FAS: variants seen among roughly 807,000 people sequenced by gnomAD.
The protein encoded by FAS is tumor necrosis factor receptor superfamily member 6.
In FAS, 5 loss-of-function variants were observed where a neutral mutation model predicts 33.2. The observed-to-expected ratio is 0.15, with a 90% CI of 0.08 to 0.32. The LOEUF (loss-of-function observed/expected upper bound fraction) is 0.32. FAS is among the 10% of genes least tolerant of loss of function. The probability of loss-of-function intolerance (pLI) is 1.00; values close to 1 mark genes in which losing one functional copy is unlikely to be tolerated. For missense variants in FAS, 339 were observed against 386.0 expected (o/e 0.88, Z 1.02); for synonymous variants, 131 against 130.7 (o/e 1.00, Z -0.01).
chr10:88,994,757 T>C (rs1847481985), intron 1 of FAS, among the ~76,000 whole-genome samples: 4 of 151,822 alleles, frequency 2.6e-5, no homozygotes, highest in Non-Finnish European at 5.9e-5. Flanking sequence ...ATATTTTTTA[T>C]TGGATACATT....
At position 88,990,874 on chromosome 10, in the gene FAS, A is replaced by T. The variant is rs1847135565; in HGVS notation, c.-3A>T. 4.3e-6 allele frequency: 7 copies of T among 1,614,136 alleles called. No individual in the cohort carries two copies. Among genetic ancestry groups the T allele is most frequent in the Non-Finnish European group, 5.1e-6 (6 of 1,180,014 alleles). On this transcript the variant is annotated 5_prime_UTR_variant, in exon 1 of 9. Coordinates refer to ENST00000652046, the MANE Select transcript of FAS (RefSeq NM_000043.6). This position sits in a 1 kb window ranked among gnomAD's most constrained non-coding sequence, Gnocchi z 4.9. ...TTTCACTTCGGAGGATTGCTCAACA[A>T]CCATGCTGGGCATCTGGACCCTCCT...
chr10:89,011,982 T>C lies in FAS; in HGVS notation c.569-17T>C, dbSNP rs1294074799. On this transcript the variant is annotated splice_polypyrimidine_tract_variant and intron_variant, in intron 6 of 8. Coordinates refer to ENST00000652046, the MANE Select transcript of FAS (RefSeq NM_000043.6). The stretch of plus-strand genomic sequence containing the variant: ...AAGGCTGAGACCTGAGTTGATAAAA[T>C]TTCTTTGTTCTTTCAGTGAAGAGAA... 6.2e-7 allele frequency: 1 copy of C among 1,611,154 alleles called. No homozygotes were observed. Among genetic ancestry groups the C allele is most frequent in the South Asian group, 1.1e-5 (1 of 91,012 alleles).
chr10:88,971,731 C>A lies in FAS; in HGVS notation n.95-1451C>A, dbSNP rs554267753. On this transcript the variant is annotated intron_variant and non_coding_transcript_variant, in intron 1 of 3. Transcript: ENST00000688239. ...GAGTCCTAGCATGTAATGGCTTTAG[C>A]AATTTGTGCAATATCCCTCTTTTTG... 1.5e-4 allele frequency among the ~76,000 whole-genome samples: 23 copies of A among 152,228 alleles called. 1 individual carries two copies. In the South Asian group the frequency reaches 4.8e-3, roughly 32 times the overall value.
At position 89,015,857 on chromosome 10, in the gene FAS, A is replaced by G; in HGVS notation, c.*1407A>G. The G allele has an allele frequency of 2.5e-6, 1 of 406,696 alleles. No individual in the cohort carries two copies. Among genetic ancestry groups the G allele is most frequent in the Non-Finnish European group, 4.6e-6 (1 of 215,942 alleles). The allele number at this position is 406,696 out of a possible 1,614,324, so 25.2% of individuals were successfully genotyped here. ...CTTCCTTTTCTCTAACTGATGCTAA[A>G]TATAACTTGTCTTTAATGCTTCTTG... On this transcript the variant is annotated 3_prime_UTR_variant, in exon 9 of 9. Coordinates refer to ENST00000652046, the MANE Select transcript of FAS (RefSeq NM_000043.6).
chr10:88,985,418 T>C (rs1005406584), upstream of FAS, among the ~76,000 whole-genome samples: 4 of 152,230 alleles, frequency 2.6e-5, no homozygotes, highest in Admixed American at 2.6e-4. Context: ...AATACCACTA[T>C]TGTATTAGTC....
At chr10:88,980,968 G>A (rs1381062244) in intron 2 of FAS, among the ~76,000 whole-genome samples, 1 of 152,196 alleles carries the variant, frequency 6.6e-6, no homozygotes, top group African/African-American at 2.4e-5. Context: ...GGAGGCTTTG[G>A]TTTGCCTTAT....
upstream of FAS, among the ~76,000 whole-genome samples, chr10:88,987,363 C>G (rs1846932391): frequency 6.6e-6 from 1 of 152,152 alleles, no homozygotes; most frequent in South Asian, 2.1e-4. Flanking sequence ...TAAGCAGAAA[C>G]TAAGAATTTG....
chr10:88,965,721 A>T (rs1288916093), intron 1 of FAS, among the ~76,000 whole-genome samples: 8 of 152,116 alleles, frequency 5.3e-5, no homozygotes, highest in African/African-American at 1.9e-4. Flanking sequence ...CAAAGCACAG[A>T]TTTTCCCAGG....
At chr10:89,005,449 A>G (rs1478334176) in intron 2 of FAS, among the ~76,000 whole-genome samples, 1 of 152,148 alleles carries the variant, frequency 6.6e-6, no homozygotes, top group Non-Finnish European at 1.5e-5. Context: ...CCACATCATC[A>G]TATTCAATAA....
upstream of FAS, among the ~76,000 whole-genome samples, chr10:88,982,428 CT>C (rs951815486): frequency 2.9e-3 from 418 of 144,546 alleles, 1 homozygote; most frequent in African/African-American, 8.2e-3. Context: ...GTGTTTTTTT[CT>C]TTTTTTTTTT....
rs951064245 is a variant in FAS at position 88,991,940 on chromosome 10, A to T, written c.30+1034A>T. 4.6e-5 allele frequency among the ~76,000 whole-genome samples: 7 copies of T among 152,282 alleles called. No individual in the cohort carries two copies. In the South Asian group the frequency reaches 1.5e-3, roughly 32 times the overall value. On this transcript the variant is annotated intron_variant, in intron 1 of 8. Transcript: ENST00000652046. The stretch of plus-strand genomic sequence containing the variant: ...GATTTTTATTTTATTGGGCCCCAAC[A>T]AAGTGCCAGGCATAGCGAGAGAAGT...
At chr10:89,006,344 G>A (rs1325449651) in intron 2 of FAS, among the ~76,000 whole-genome samples, 1 of 152,140 alleles carries the variant, frequency 6.6e-6, no homozygotes, top group Non-Finnish European at 1.5e-5. Flanking sequence ...ACTATTGACA[G>A]ACTATTATCT....
chr10:88,989,043 T>C (rs944602885), upstream of FAS, among the ~76,000 whole-genome samples: 1 of 152,182 alleles, frequency 6.6e-6, no homozygotes, highest in Non-Finnish European at 1.5e-5. Context: ...AATATCTAAG[T>C]TTAATTCCTG....
intron 1 of FAS, among the ~76,000 whole-genome samples, chr10:88,997,798 C>G (rs111341704): frequency 6.6e-6 from 1 of 152,102 alleles, no homozygotes; most frequent in Non-Finnish European, 1.5e-5. Flanking sequence ...CAGAATTAGT[C>G]GGTGGAACTT....
chr10:89,013,488 C>A, intron 8 of FAS, 121 bp downstream of exon 8: 1 of 940,212 alleles, frequency 1.1e-6, no homozygotes, highest in Non-Finnish European at 1.7e-6. Flanking sequence ...ATTTCTCATA[C>A]AATTCTACCT....
At chr10:88,965,924 C>A (rs1267640974) in intron 1 of FAS, among the ~76,000 whole-genome samples, 1 of 152,138 alleles carries the variant, frequency 6.6e-6, no homozygotes, top group Non-Finnish European at 1.5e-5. Context: ...TTTTTCCACT[C>A]CAGTCCTTGA....
intron 1 of FAS, among the ~76,000 whole-genome samples, chr10:88,994,438 A>G (rs1015441647): frequency 1.3e-5 from 2 of 152,266 alleles, no homozygotes; most frequent in African/African-American, 4.8e-5. Context: ...ACACAATTTA[A>G]AACTTGAAAT....
In FAS at chr10:88,981,280, G is replaced by A. The variant is rs1846704380; in HGVS notation, n.260+7933G>A. On this transcript the variant is annotated intron_variant and non_coding_transcript_variant, in intron 2 of 3. Transcript: ENST00000688239. ...ATAATATTAGATGTTAAGATTAGGT[G>A]AGGATCAAATGAGACATTGTGTGCA... Among the ~76,000 whole-genome samples, 3 of 152,324 alleles carry A rather than the reference G, an allele frequency of 2.0e-5. No homozygotes were observed. The South Asian group carries it at 6.2e-4, about 32-fold the overall frequency.
In FAS at chr10:89,011,935, T is replaced by A. The variant is rs1032995499; in HGVS notation, c.569-64T>A. The stretch of plus-strand genomic sequence containing the variant: ...TCTTATATTTCTCTTAGTGTGAAAG[T>A]ATGTTCTCACATGCATTCTACAAGG... On this transcript the variant is annotated intron_variant, in intron 6 of 8. Coordinates refer to ENST00000652046, the MANE Select transcript of FAS (RefSeq NM_000043.6). The A allele has an allele frequency of 6.0e-6, 8 of 1,325,950 alleles. No individual in the cohort carries two copies. The African/African-American group carries it at 1.2e-4, about 19-fold the overall frequency. The allele number at this position is 1,325,950 out of a possible 1,614,324, so 82.1% of individuals were successfully genotyped here. A position where few individuals can be genotyped will look rare whatever the true frequency, so the allele number is the denominator to read the frequency against.
Sources: allele counts gnomAD v4.1 joint callset (sites outside exome capture counted in the v4.1 genomes callset), GRCh38; gene constraint gnomAD v4.1.1; non-coding constraint Gnocchi (gnomAD v3.1); transcripts MANE v1.5; gene names NCBI Gene and HGNC (gene_info 2026-07-23, HGNC 2026-07-21).